The following SLC2A13 variants were observed in gnomAD, a reference collection of about 807,000 sequenced individuals.
SLC2A13 encodes proton myo-inositol cotransporter.
SLC2A13 carries 32 observed loss-of-function variants against 64.4 expected under a neutral mutation model. The ratio of observed to expected loss-of-function variants is 0.50; its 90% CI spans 0.37 to 0.67. The LOEUF (loss-of-function observed/expected upper bound fraction) is 0.67. Among genes scored for constraint, SLC2A13 ranks in the 30% least tolerant of loss-of-function variants. The pLI, the probability that SLC2A13 is intolerant of heterozygous loss-of-function variation, is 0.00. For synonymous variants in SLC2A13, 338 were observed against 327.1 expected, an observed-to-expected ratio of 1.03 and a Z score of -0.36; for missense variants, 743 against 829.2, an observed-to-expected ratio of 0.90 and a Z score of 1.28.
intron 7 of SLC2A13, among the ~76,000 whole-genome samples, chr12:39,768,268 G>T (rs1940433548): frequency 6.6e-6 from 1 of 152,100 alleles, no homozygotes; most frequent in Admixed American, 6.6e-5. Flanking sequence ...GGAATGTTGT[G>T]GCTGGTTTGA....
intron 7 of SLC2A13, among the ~76,000 whole-genome samples, chr12:39,818,220 T>C (rs1420126955): frequency 6.6e-6 from 1 of 151,824 alleles, no homozygotes; most frequent in African/African-American, 2.4e-5. Context: ...ATTCCCCCAG[T>C]CATGTACATC....
At chr12:40,004,632 G>A (rs1221993930) in intron 3 of SLC2A13, among the ~76,000 whole-genome samples, 1 of 147,646 alleles carries the variant, frequency 6.8e-6, no homozygotes, top group Admixed American at 6.7e-5. Context: ...TTTTTTCACA[G>A]TTCTAGAGGC....
chr12:39,818,244 T>A (rs1942393864), intron 7 of SLC2A13, among the ~76,000 whole-genome samples: 1 of 152,070 alleles, frequency 6.6e-6, no homozygotes, highest in Admixed American at 6.6e-5. Flanking sequence ...AACTGAGGAG[T>A]TGATTTTTGA....
At chr12:39,906,048 A>G (rs1945267858) in intron 4 of SLC2A13, among the ~76,000 whole-genome samples, 1 of 152,172 alleles carries the variant, frequency 6.6e-6, no homozygotes, top group Non-Finnish European at 1.5e-5. Flanking sequence ...TGCTAAAAAC[A>G]TGACAACTTT....
At chr12:39,890,192 A>G (rs560431917) in intron 4 of SLC2A13, among the ~76,000 whole-genome samples, 17 of 152,308 alleles carry the variant, frequency 1.1e-4, no homozygotes, top group Non-Finnish European at 2.4e-4. Flanking sequence ...AATAAAAAGA[A>G]TATTATTCTC....
chr12:40,040,949 AATT>A (rs149372430), intron 2 of SLC2A13, among the ~76,000 whole-genome samples: 4 of 151,004 alleles, frequency 2.6e-5, no homozygotes, highest in Non-Finnish European at 4.4e-5. Context: ...TGGATTTTAA[AATT>A]ATTATTATTA....
At chr12:39,841,141 GC>G (rs1343681411) in intron 6 of SLC2A13, among the ~76,000 whole-genome samples, 2 of 152,084 alleles carry the variant, frequency 1.3e-5, no homozygotes, top group Non-Finnish European at 2.9e-5. Flanking sequence ...TGAGTTAGAT[GC>G]AAAAAATTTT....
intron 1 of SLC2A13, among the ~76,000 whole-genome samples, chr12:40,061,436 T>C (rs906630112): frequency 6.6e-5 from 10 of 151,878 alleles, no homozygotes; most frequent in Admixed American, 2.0e-4. Context: ...AACATAAACA[T>C]TGAGGCAAAA....
chr12:39,980,561 T>A (rs1027309431), intron 3 of SLC2A13, among the ~76,000 whole-genome samples: 3 of 150,710 alleles, frequency 2.0e-5, no homozygotes, highest in Admixed American at 6.6e-5. Flanking sequence ...CCAACAAAGA[T>A]CAAAAGAGAC....
Position 40,106,003 on chromosome 12 carries a change from A to C in SLC2A13, c.-195T>G. Reference sequence around the variant, plus strand: ...GAAAGTTGCTGCCCGCCGCGCTCCGACGCTGCGGAGTTGGAGCCCGGCGGG... The same window carrying C: ...GAAAGTTGCTGCCCGCCGCGCTCCGCCGCTGCGGAGTTGGAGCCCGGCGGG... On this transcript the variant is annotated 5_prime_UTR_variant, in exon 1 of 10. Coordinates refer to ENST00000280871, the MANE Select transcript of SLC2A13 (RefSeq NM_052885.4). The C allele has an allele frequency of 1.7e-6, 1 of 580,894 alleles. No homozygotes were observed. Among genetic ancestry groups the C allele is most frequent in the Non-Finnish European group, 2.6e-6 (1 of 383,494 alleles). The allele number at this position is 580,894 out of a possible 1,614,324, so 36.0% of individuals were successfully genotyped here. A position where few individuals can be genotyped will look rare whatever the true frequency, so the allele number is the denominator to read the frequency against.
At position 39,951,323 on chromosome 12, in the gene SLC2A13, C is replaced by A. The variant is rs531725171; in HGVS notation, c.968G>T (p.Arg323Leu). Residue 323 changes from arginine to leucine, a missense_variant, in exon 4 of 10, where the codon CGC (arginine) becomes CTC (leucine). Arg to Leu is a moderately radical substitution (Grantham distance 102). Around this residue, in one of 2 missense-constraint regions of SLC2A13, gnomAD observed 448 missense variants for 447.4 expected, o/e 1.00. Coordinates refer to ENST00000280871, the MANE Select transcript of SLC2A13 (RefSeq NM_052885.4). ...GCCACAACCCACAATTAAAGCTCGG[C>A]GAGTTGGGGGATAACTCAGCATTCT... The part of the protein sequence containing the change: ...ICRMLSYPPT[R>L]RALIVGCGLQ... 9 of 1,609,760 alleles carry A rather than the reference C, an allele frequency of 5.6e-6. No individual in the cohort carries two copies. The highest frequency in any genetic ancestry group is 2.2e-5 in the East Asian group (1 of 44,654).
At chr12:39,972,048 T>G (rs1946666948) in intron 3 of SLC2A13, among the ~76,000 whole-genome samples, 1 of 1,478 alleles carries the variant, frequency 6.8e-4, no homozygotes, top group Non-Finnish European at 3.4e-3. Flanking sequence ...ATAAATTATA[T>G]ATAATATATA....
At chr12:39,781,928 G>A (rs1344116863) in intron 7 of SLC2A13, among the ~76,000 whole-genome samples, 3 of 152,162 alleles carry the variant, frequency 2.0e-5, no homozygotes, top group African/African-American at 7.2e-5. Flanking sequence ...TGGTAATGAA[G>A]AATATTCTGA....
At chr12:39,859,315 AGTT>A (rs1943692202) in intron 6 of SLC2A13, among the ~76,000 whole-genome samples, 1 of 72,108 alleles carries the variant, frequency 1.4e-5, no homozygotes, top group African/African-American at 6.2e-5. Context: ...GAAAGCTGGC[AGTT>A]TTTTTTTTTT....
At chr12:40,005,038 G>A (rs979088824) in intron 3 of SLC2A13, among the ~76,000 whole-genome samples, 13 of 152,124 alleles carry the variant, frequency 8.5e-5, no homozygotes, top group African/African-American at 2.7e-4. Context: ...TCAAACCCAT[G>A]TTGTTGGAGG....
At chr12:40,033,681 C>T (rs1201840464) in intron 2 of SLC2A13, among the ~76,000 whole-genome samples, 1 of 152,124 alleles carries the variant, frequency 6.6e-6, no homozygotes, top group Non-Finnish European at 1.5e-5. Context: ...CTGTGCCAAA[C>T]TAAAGTTTTA....
chr12:39,847,715 A>T (rs2135887543), intron 6 of SLC2A13, among the ~76,000 whole-genome samples: 1 of 152,128 alleles, frequency 6.6e-6, no homozygotes, highest in South Asian at 2.1e-4. Flanking sequence ...AGAGAGAAAG[A>T]CTTCTTCCTT....
chr12:39,997,921 C>A (rs186212998), intron 3 of SLC2A13, among the ~76,000 whole-genome samples: 1 of 152,072 alleles, frequency 6.6e-6, no homozygotes, highest in Admixed American at 6.6e-5. Flanking sequence ...CACTGCTGGT[C>A]GGAATGTAAT....
chr12:40,032,780 C>T (rs747833885), intron 2 of SLC2A13, among the ~76,000 whole-genome samples: 6 of 152,314 alleles, frequency 3.9e-5, no homozygotes, highest in East Asian at 3.9e-4. Flanking sequence ...ATGTAACTAA[C>T]GACAATAATC....
Sources: allele counts gnomAD v4.1 joint callset (sites outside exome capture counted in the v4.1 genomes callset), GRCh38; gene constraint gnomAD v4.1.1; regional missense constraint gnomAD v4.1.1; transcripts MANE v1.5; gene names NCBI Gene and HGNC (gene_info 2026-07-23, HGNC 2026-07-21).